The following SH3BGR variants were observed in gnomAD, a reference collection of about 807,000 sequenced individuals.
The protein encoded by SH3BGR is SH3 domain binding glutamate rich protein.
Under a neutral mutation model 24.5 loss-of-function variants are expected in SH3BGR, and 29 were observed. That is an observed-to-expected ratio of 1.18 (90% confidence interval 0.88 to 1.61). SH3BGR has a LOEUF of 1.61. Among genes scored for constraint, SH3BGR ranks in the 40% most tolerant of loss-of-function variants. The pLI, the probability that SH3BGR is intolerant of heterozygous loss-of-function variation, is 0.00. For missense variants in SH3BGR, 162 were observed against 205.8 expected, an observed-to-expected ratio of 0.79 and a Z score of 1.30; for synonymous variants, 55 against 65.7, an observed-to-expected ratio of 0.84 and a Z score of 0.79.
chr21:39,453,840 C>T (rs2077613108), intron 1 of SH3BGR, among the ~76,000 whole-genome samples: 1 of 152,150 alleles, frequency 6.6e-6, no homozygotes, highest in Non-Finnish European at 1.5e-5. Context: ...CGTGGGTGCC[C>T]CGCATGGTGT....
intron 3 of SH3BGR, among the ~76,000 whole-genome samples, chr21:39,489,658 C>G (rs2078266429): frequency 6.6e-6 from 1 of 152,204 alleles, no homozygotes; most frequent in Non-Finnish European, 1.5e-5. Flanking sequence ...AGCCTCAACC[C>G]TGGCTGCACA....
chr21:39,510,932 T>TAC (rs2078679372), intron 5 of SH3BGR, among the ~76,000 whole-genome samples: 1 of 142,890 alleles, frequency 7.0e-6, no homozygotes, highest in Admixed American at 7.0e-5. Context: ...TATATATATA[T>TAC]ATATATATAT....
chr21:39,472,831 C>T lies in SH3BGR; in HGVS notation c.232-2304C>T, dbSNP rs187413398. ...GAAACTCCCCAGCTTGACGAGGCTC[C>T]GGGCTTTATCTACATCCCCCTTTTT... On this transcript the variant is annotated intron_variant, in intron 2 of 6. Transcript: ENST00000333634. Among the ~76,000 whole-genome samples, 7 of 152,130 alleles carry T rather than the reference C, an allele frequency of 4.6e-5. No individual in the cohort carries two copies. In the East Asian group the frequency reaches 7.7e-4, roughly 17 times the overall value.
chr21:39,479,098 G>A (rs1299658471), intron 3 of SH3BGR, among the ~76,000 whole-genome samples: 1 of 152,178 alleles, frequency 6.6e-6, no homozygotes, highest in Non-Finnish European at 1.5e-5. Context: ...GCTGGCAGTG[G>A]TGGGTGCATG....
intron 5 of SH3BGR, 147 bp downstream of exon 5, chr21:39,509,174 G>C: frequency 1.7e-6 from 1 of 599,448 alleles, no homozygotes; most frequent in South Asian, 2.6e-5. Flanking sequence ...TTAACATGCT[G>C]AGAAGGAAAG....
intron 5 of SH3BGR, among the ~76,000 whole-genome samples, chr21:39,509,857 G>C (rs2078646196): frequency 6.6e-6 from 1 of 152,084 alleles, no homozygotes. Flanking sequence ...TAAGTTACGT[G>C]TATTGTCTAG....
intron 1 of SH3BGR, among the ~76,000 whole-genome samples, chr21:39,458,432 G>A (rs1029616882): frequency 1.3e-4 from 20 of 151,930 alleles, no homozygotes; most frequent in Non-Finnish European, 2.2e-4. Flanking sequence ...TCTGCCTCCC[G>A]GATTCAAGCG....
At chr21:39,475,052 A>G in intron 2 of SH3BGR, 83 bp from the exon 3 acceptor site, 1 of 849,898 alleles carries the variant, frequency 1.2e-6, no homozygotes, top group South Asian at 1.6e-5. Flanking sequence ...TTAAGGACTA[A>G]GAAATACAAA....
intron 3 of SH3BGR, among the ~76,000 whole-genome samples, chr21:39,487,343 A>T (rs746084654): frequency 1.3e-5 from 2 of 151,990 alleles, no homozygotes; most frequent in Non-Finnish European, 2.9e-5. Context: ...GAATTTCACC[A>T]TGTTGCCCAC....
intron 3 of SH3BGR, among the ~76,000 whole-genome samples, chr21:39,484,871 A>T (rs146244831): frequency 6.6e-6 from 1 of 152,234 alleles, no homozygotes; most frequent in Non-Finnish European, 1.5e-5. Flanking sequence ...TTATGGAAAC[A>T]TTACTTATCA....
intron 6 of SH3BGR, among the ~76,000 whole-genome samples, chr21:39,513,047 G>A (rs2078724541): frequency 6.6e-6 from 1 of 152,078 alleles, no homozygotes; most frequent in Non-Finnish European, 1.5e-5. Flanking sequence ...CCCATATTAT[G>A]CCTCCACTGA....
chr21:39,462,561 G>A lies in SH3BGR; in HGVS notation c.231+1G>A, dbSNP rs776783669. The A allele has an allele frequency of 3.2e-6, 5 of 1,543,592 alleles. No individual in the cohort carries two copies. Among genetic ancestry groups the A allele is most frequent in the Non-Finnish European group, 4.3e-6 (5 of 1,153,994 alleles). Reference sequence around the variant, plus strand: ...CTTCAATGAGGAGCAGTACTGTGGGGTGAGTATGTGCTTCTATTAAAAATC... The same window carrying A: ...CTTCAATGAGGAGCAGTACTGTGGGATGAGTATGTGCTTCTATTAAAAATC... On this transcript the variant is annotated splice_donor_variant, in intron 2 of 6. Coordinates refer to ENST00000333634, the MANE Select transcript of SH3BGR (RefSeq NM_007341.3). LOFTEE classifies it high-confidence loss of function.
At chr21:39,488,649 G>T (rs1315399417) in intron 3 of SH3BGR, 1 of 363,854 alleles carries the variant, frequency 2.7e-6, no homozygotes, top group Non-Finnish European at 5.5e-6. Flanking sequence ...AGGAAGAGAA[G>T]GGCACCATCA....
intron 4 of SH3BGR, 21 bp downstream of exon 4, chr21:39,499,936 A>G (rs2078465606): frequency 1.3e-6 from 2 of 1,555,874 alleles, no homozygotes; most frequent in South Asian, 2.2e-5. Context: ...GCTTTTTCAC[A>G]GCAGTTTGAC....
chr21:39,494,697 T>A (rs75770626), intron 3 of SH3BGR, among the ~76,000 whole-genome samples: 5,128 of 152,062 alleles, frequency 0.034, 92 homozygotes, highest in Middle Eastern at 0.071. Flanking sequence ...TTTTTTTGTG[T>A]ACTTATTATT....
At chr21:39,452,852 T>G (rs902088338) in intron 1 of SH3BGR, among the ~76,000 whole-genome samples, 1 of 152,242 alleles carries the variant, frequency 6.6e-6, no homozygotes, top group African/African-American at 2.4e-5. Flanking sequence ...GGTGATGAAG[T>G]GACACATTTC....
At chr21:39,477,325 A>G (rs2078043543) in intron 3 of SH3BGR, among the ~76,000 whole-genome samples, 1 of 152,180 alleles carries the variant, frequency 6.6e-6, no homozygotes, top group South Asian at 2.1e-4. Flanking sequence ...TTTTAGAGAC[A>G]GGATCTTGCT....
At chr21:39,451,814 G>C (rs548157126), upstream of SH3BGR, 1 of 1,391,610 alleles carries the variant, frequency 7.2e-7, no homozygotes, top group East Asian at 2.5e-5. Flanking sequence ...TAAAGTGATA[G>C]GGAAAGGGTC....
At chr21:39,475,059 C>G (rs953479063) in intron 2 of SH3BGR, 76 bp from the exon 3 acceptor site, 4 of 916,118 alleles carry the variant, frequency 4.4e-6, no homozygotes, top group Admixed American at 4.4e-5. Flanking sequence ...CTAAGAAATA[C>G]AAAAGATCAG....
Sources: gnomAD v4.1 joint callset for allele counts (sites outside exome capture counted in the v4.1 genomes callset) on GRCh38, gnomAD v4.1.1 for gene constraint, MANE v1.5 for transcripts, NCBI Gene and HGNC (gene_info 2026-07-23, HGNC 2026-07-21) for gene names.